Variants in CTNNBL1 observed in about 807,000 individuals in gnomAD.
The protein encoded by CTNNBL1 is beta-catenin-like protein 1.
Under a neutral mutation model 72.7 loss-of-function variants are expected in CTNNBL1, and 31 were observed. The observed-to-expected ratio is 0.43, with a 90% confidence interval of 0.32 to 0.58. The LOEUF (loss-of-function observed/expected upper bound fraction) is 0.58, where lower values mean the gene tolerates loss of function less well. CTNNBL1 is among the 20% of genes least tolerant of loss of function. The probability of loss-of-function intolerance (pLI) is 0.08; values close to 1 mark genes in which losing one functional copy is unlikely to be tolerated. For synonymous variants in CTNNBL1, 240 were observed against 267.3 expected (o/e 0.90, Z 1.00); for missense variants, 534 against 725.1 (o/e 0.74, Z 3.03).
chr20:37,699,551 T>G (rs955790711), intron 1 of CTNNBL1, among the ~76,000 whole-genome samples: 2 of 152,242 alleles, frequency 1.3e-5, no homozygotes, highest in Non-Finnish European at 1.5e-5. Flanking sequence ...TTTGAAAACT[T>G]TTTAAAGTTG....
At chr20:37,829,975 G>A (rs1167817518) in intron 11 of CTNNBL1, among the ~76,000 whole-genome samples, 1 of 152,046 alleles carries the variant, frequency 6.6e-6, no homozygotes, top group Non-Finnish European at 1.5e-5. Flanking sequence ...GGGATCACAG[G>A]AGCGTACCAC....
intron 1 of CTNNBL1, among the ~76,000 whole-genome samples, chr20:37,716,976 T>C (rs1345971430): frequency 6.6e-6 from 1 of 152,182 alleles, no homozygotes; most frequent in Admixed American, 6.5e-5. Context: ...ATATAAGAAG[T>C]CTTAAGGAAT....
chr20:37,753,881 G>C (rs1297898371), intron 4 of CTNNBL1, among the ~76,000 whole-genome samples: 1 of 151,812 alleles, frequency 6.6e-6, no homozygotes, highest in African/African-American at 2.4e-5. Flanking sequence ...GATAATTTTG[G>C]GACCATTCAG....
At chr20:37,853,405 A>C (rs2235459) in intron 13 of CTNNBL1, among the ~76,000 whole-genome samples, 65,787 of 151,952 alleles carry the variant, frequency 0.43, 14,481 homozygotes, top group Middle Eastern at 0.49. Context: ...TTTTTTCTAG[A>C]ACTTTTACAT....
intron 10 of CTNNBL1, among the ~76,000 whole-genome samples, chr20:37,802,057 A>C (rs190675018): frequency 2.3e-4 from 35 of 152,374 alleles, no homozygotes; most frequent in African/African-American, 8.4e-4. Context: ...TCCAAAAATG[A>C]AACTAAGGAA....
At chr20:37,834,998 T>G (rs1404509826) in intron 11 of CTNNBL1, among the ~76,000 whole-genome samples, 3 of 152,254 alleles carry the variant, frequency 2.0e-5, no homozygotes, top group Non-Finnish European at 2.9e-5. Context: ...ACACAAATGT[T>G]AAATTAGGGA....
chr20:37,782,627 A>G (rs943812956), intron 10 of CTNNBL1, among the ~76,000 whole-genome samples: 1 of 152,184 alleles, frequency 6.6e-6, no homozygotes, highest in Non-Finnish European at 1.5e-5. Flanking sequence ...TTAATAATGT[A>G]TTTTATTTAA....
At chr20:37,859,662 G>A (rs1303009440) in intron 13 of CTNNBL1, among the ~76,000 whole-genome samples, 2 of 150,422 alleles carry the variant, frequency 1.3e-5, no homozygotes, top group African/African-American at 2.5e-5. Context: ...GCCCTGATTC[G>A]TCAGATAGGA....
At chr20:37,730,779 C>A (rs1314271942) in intron 1 of CTNNBL1, among the ~76,000 whole-genome samples, 6 of 152,124 alleles carry the variant, frequency 3.9e-5, no homozygotes, top group African/African-American at 1.4e-4. Flanking sequence ...AAGTTCAGGT[C>A]CAGCCTAGGC....
At chr20:37,814,531 C>T (rs1418637698) in intron 11 of CTNNBL1, among the ~76,000 whole-genome samples, 1 of 152,194 alleles carries the variant, frequency 6.6e-6, no homozygotes, top group Non-Finnish European at 1.5e-5. Context: ...TAGGTAAACA[C>T]TTCCCTTAGC....
intron 7 of CTNNBL1, among the ~76,000 whole-genome samples, chr20:37,770,294 T>C (rs1417182006): frequency 6.6e-6 from 1 of 152,222 alleles, no homozygotes; most frequent in African/African-American, 2.4e-5. Context: ...ACATTTTTTA[T>C]TCTCCAAAGC....
intron 1 of CTNNBL1, among the ~76,000 whole-genome samples, chr20:37,696,952 C>T (rs938049857): frequency 3.3e-5 from 5 of 151,766 alleles, no homozygotes; most frequent in African/African-American, 7.3e-5. Flanking sequence ...AAGGCTGAGG[C>T]GGGTGGGTCA....
chr20:37,864,864 A>G (rs2072524089), intron 15 of CTNNBL1, among the ~76,000 whole-genome samples: 1 of 152,150 alleles, frequency 6.6e-6, no homozygotes, highest in Non-Finnish European at 1.5e-5. Context: ...CATGGTAGGT[A>G]GAGTAGTCAC....
chr20:37,828,379 G>C (rs1168060125), intron 11 of CTNNBL1, among the ~76,000 whole-genome samples: 1 of 152,056 alleles, frequency 6.6e-6, no homozygotes, highest in Non-Finnish European at 1.5e-5. Context: ...TACTAGTGAG[G>C]TTGAATGCTT....
intron 2 of CTNNBL1, among the ~76,000 whole-genome samples, chr20:37,735,901 G>A (rs983852912): frequency 5.9e-5 from 9 of 152,322 alleles, no homozygotes; most frequent in African/African-American, 2.2e-4. Context: ...TGACTACAAA[G>A]CTGTGAAGCT....
chr20:37,810,906 T>A (rs1378198936), intron 11 of CTNNBL1, among the ~76,000 whole-genome samples: 4 of 152,210 alleles, frequency 2.6e-5, no homozygotes, highest in Non-Finnish European at 4.4e-5. Context: ...GCCTGTAATT[T>A]CTTCTGTTGT....
intron 10 of CTNNBL1, among the ~76,000 whole-genome samples, chr20:37,786,871 G>A (rs540487596): frequency 7.2e-5 from 11 of 152,188 alleles, no homozygotes; most frequent in African/African-American, 2.2e-4. Flanking sequence ...GAAAATAGAG[G>A]CTATAAAATA....
chr20:37,848,210 C>T (rs765414228), intron 13 of CTNNBL1, among the ~76,000 whole-genome samples: 1 of 145,424 alleles, frequency 6.9e-6, no homozygotes, highest in Non-Finnish European at 1.5e-5. Flanking sequence ...AGTGCAGTGG[C>T]ATGGCGTGAT....
At chr20:37,787,346 T>G (rs1455160427) in intron 10 of CTNNBL1, among the ~76,000 whole-genome samples, 1 of 145,944 alleles carries the variant, frequency 6.9e-6, no homozygotes, top group East Asian at 2.0e-4. Context: ...ACTGTGTGTT[T>G]TTTTTTTTTT....
Sources: gnomAD v4.1 joint callset for allele counts (sites outside exome capture counted in the v4.1 genomes callset) on GRCh38, gnomAD v4.1.1 for gene constraint, MANE v1.5 for transcripts, NCBI Gene and HGNC (gene_info 2026-07-23, HGNC 2026-07-21) for gene names.